The following VAV3 variants were observed in gnomAD, a reference collection of about 807,000 sequenced individuals.
VAV3 encodes vav guanine nucleotide exchange factor 3, also known as guanine nucleotide exchange factor VAV3.
A neutral mutation model predicts 131.2 loss-of-function variants in VAV3; 94 were observed. That is an observed-to-expected ratio of 0.72 (90% CI 0.61 to 0.85). VAV3 has a LOEUF of 0.85. Among genes scored for constraint, VAV3 ranks in the 40% least tolerant of loss-of-function variants. The pLI, the probability that VAV3 is intolerant of heterozygous loss-of-function variation, is 0.00. For missense variants in VAV3, 939 were observed against 1,002.7 expected (o/e 0.94, Z 0.86); for synonymous variants, 349 against 342.0 (o/e 1.02, Z -0.22).
At chr1:107,764,171 T>G (rs1243127495) in intron 9 of VAV3, among the ~76,000 whole-genome samples, 2 of 152,134 alleles carry the variant, frequency 1.3e-5, no homozygotes. Context: ...TATATACTGT[T>G]GTGATCATGC....
intron 19 of VAV3, among the ~76,000 whole-genome samples, chr1:107,653,938 G>A (rs996265911): frequency 6.6e-6 from 1 of 152,048 alleles, no homozygotes; most frequent in Non-Finnish European, 1.5e-5. Flanking sequence ...AAACCATGCT[G>A]AGTTGTGTAT....
Position 107,642,348 on chromosome 1 carries a change from T to C in VAV3, c.1914+271A>G, listed in dbSNP as rs141610227. Among the ~76,000 whole-genome samples the C allele has an allele frequency of 1.5e-3, 231 of 152,234 alleles. 4 individuals are homozygous for C. The East Asian group carries it at 0.043, about 28-fold the overall frequency. ...ACAGTTTACAAATGCCATGGCAACG[T>C]CAGGAAGTTACCCAATATGATCTAA... On this transcript the variant is annotated intron_variant, in intron 20 of 26. Transcript: ENST00000370056.
intron 2 of VAV3, among the ~76,000 whole-genome samples, chr1:107,788,915 T>C (rs542910383): frequency 6.6e-6 from 1 of 152,312 alleles, no homozygotes; most frequent in East Asian, 1.9e-4. Flanking sequence ...ATACCAAGAA[T>C]GGGAATGTAT....
chr1:107,824,991 A>G (rs1476467749), intron 2 of VAV3, among the ~76,000 whole-genome samples: 2 of 152,142 alleles, frequency 1.3e-5, no homozygotes, highest in Non-Finnish European at 2.9e-5. Context: ...TCTCTAAACT[A>G]AAAGTCAGTA....
At chr1:107,764,531 TG>T (rs1470894026) in intron 9 of VAV3, among the ~76,000 whole-genome samples, 3 of 152,250 alleles carry the variant, frequency 2.0e-5, no homozygotes, top group Non-Finnish European at 4.4e-5. Flanking sequence ...TTTTTTATTT[TG>T]TTTTTGATAC....
intron 2 of VAV3, among the ~76,000 whole-genome samples, chr1:107,834,526 T>C (rs1668387557): frequency 6.6e-6 from 1 of 151,906 alleles, no homozygotes; most frequent in Non-Finnish European, 1.5e-5. Flanking sequence ...AATAGCAGAA[T>C]ACGCATTCTG....
At chr1:107,606,803 CTTT>C (rs34849497) in intron 22 of VAV3, among the ~76,000 whole-genome samples, 28 of 58,006 alleles carry the variant, frequency 4.8e-4, no homozygotes, top group South Asian at 8.6e-4. Context: ...ATGGTTTCTT[CTTT>C]TTTTTTTTTT....
At chr1:107,663,548 G>T (rs964167074) in intron 19 of VAV3, among the ~76,000 whole-genome samples, 1 of 152,024 alleles carries the variant, frequency 6.6e-6, no homozygotes, top group Non-Finnish European at 1.5e-5. Flanking sequence ...ATTATAGCTA[G>T]AAGAATGTAA....
At chr1:107,842,970 G>A (rs1371543045) in intron 2 of VAV3, among the ~76,000 whole-genome samples, 1 of 152,104 alleles carries the variant, frequency 6.6e-6, no homozygotes, top group Non-Finnish European at 1.5e-5. Flanking sequence ...TATGATGAGA[G>A]CAGAAGCAGA....
chr1:107,888,356 G>T (rs1671141160), intron 1 of VAV3, among the ~76,000 whole-genome samples: 1 of 152,188 alleles, frequency 6.6e-6, no homozygotes, highest in Admixed American at 6.5e-5. Flanking sequence ...GCTAGACTAG[G>T]CAACCTACTC....
Position 107,884,060 on chromosome 1 carries a change from G to A in VAV3, c.205-9043C>T, listed in dbSNP as rs11185194. 4.1e-3 allele frequency among the ~76,000 whole-genome samples: 621 copies of A among 151,878 alleles called. 5 individuals are homozygous for A. The highest frequency in any genetic ancestry group is 0.014 in the African/African-American group (583 of 41,394). On this transcript the variant is annotated intron_variant, in intron 1 of 26. Coordinates refer to ENST00000370056, the MANE Select transcript of VAV3 (RefSeq NM_006113.5). ...GAAAGTGGTGCATGTCGCTGCCTTT[G>A]GTGAAAGAAAGTAGCACTCAACTAT... is the stretch of plus-strand genomic sequence containing the variant.
At chr1:107,817,675 G>A (rs56311947) in intron 2 of VAV3, among the ~76,000 whole-genome samples, 42,525 of 151,978 alleles carry the variant, frequency 0.28, 6,925 homozygotes, top group Non-Finnish European at 0.37. Context: ...CCATAGGCAG[G>A]GGGGTGAGGA....
At chr1:107,657,250 C>CG (rs1341361530) in intron 19 of VAV3, among the ~76,000 whole-genome samples, 1 of 152,082 alleles carries the variant, frequency 6.6e-6, no homozygotes, top group Non-Finnish European at 1.5e-5. Flanking sequence ...CCACCACGCC[C>CG]GGCCTCTGTA....
Position 107,611,457 on chromosome 1 carries a change from CAA to C in VAV3, c.1981-1494_1981-1493del, listed in dbSNP as rs377054790. 4.7e-3 allele frequency among the ~76,000 whole-genome samples: 710 copies of C among 152,138 alleles called. 4 individuals carry two copies. The highest frequency in any genetic ancestry group is 0.016 in the African/African-American group (658 of 41,532). On this transcript the variant is annotated intron_variant, in intron 21 of 26. Transcript: ENST00000370056. ...TTGCTTTCACAAATAAACTGATCTT[CAA>C]TAGTTCACCCTTTGATGACAAGATA...
chr1:107,941,647 AT>A (rs1176373098), intron 1 of VAV3, among the ~76,000 whole-genome samples: 1 of 152,020 alleles, frequency 6.6e-6, no homozygotes, highest in Non-Finnish European at 1.5e-5. Context: ...CTCATGTTAA[AT>A]TTTCATACAC....
chr1:107,848,915 T>C (rs973306988), intron 2 of VAV3, among the ~76,000 whole-genome samples: 1 of 152,086 alleles, frequency 6.6e-6, no homozygotes, highest in Admixed American at 6.5e-5. Flanking sequence ...TCATAAACAT[T>C]CCTATACACC....
At chr1:107,694,324 T>TAGTA (rs1415372337) in intron 17 of VAV3, among the ~76,000 whole-genome samples, 1 of 152,028 alleles carries the variant, frequency 6.6e-6, no homozygotes, top group East Asian at 1.9e-4. Flanking sequence ...GCAGAGGAAA[T>TAGTA]AGTAAGAGCC....
chr1:107,963,674 T>C (rs1165275472), intron 1 of VAV3: 1 of 152,234 alleles, frequency 6.6e-6, no homozygotes, highest in African/African-American at 2.4e-5. Context: ...CTCTGCGTCA[T>C]AGAGGATTAG....
intron 1 of VAV3, 137 bp from the exon 2 acceptor site, chr1:107,875,154 C>T (rs1402561962): frequency 2.7e-6 from 2 of 736,866 alleles, no homozygotes; most frequent in East Asian, 2.6e-5. Context: ...ATTACTCATT[C>T]AGCAGTACTG....
Sources: allele counts gnomAD v4.1 joint callset (sites outside exome capture counted in the v4.1 genomes callset), GRCh38; gene constraint gnomAD v4.1.1; transcripts MANE v1.5; gene names NCBI Gene and HGNC (gene_info 2026-07-23, HGNC 2026-07-21).